Variants in SLC38A8 observed in about 807,000 individuals in gnomAD.
SLC38A8 encodes the protein solute carrier family 38 member 8.
Under a neutral mutation model 46.0 loss-of-function variants are expected in SLC38A8, and 65 were observed. The observed-to-expected ratio is 1.41, with a 90% CI of 1.16 to 1.74. The LOEUF (loss-of-function observed/expected upper bound fraction) is 1.74, where lower values mean the gene tolerates loss of function less well. SLC38A8 is among the 40% of genes most tolerant of loss of function. The pLI is 0.00. For synonymous variants in SLC38A8, 447 were observed against 243.7 expected, an observed-to-expected ratio of 1.83 and a Z score of -7.77; for missense variants, 998 against 567.9, an observed-to-expected ratio of 1.76 and a Z score of -7.70.
Position 84,041,993 on chromosome 16 carries a change from C to A in SLC38A8, c.165G>T (p.Val55=). The stretch of plus-strand genomic sequence containing the variant: ...CCAGCTCCACCAGGAAGGCAGGGAC[C>A]ACTCCGCCCGCTTTGGAGAAGGCCC... ...FPWAFSKAGG[V]VPAFLVELVS... is the part of the protein sequence containing the mutation. The change falls in exon 2 of 11, where the codon GTG becomes GTT. Residue 55 remains valine (V), a synonymous_variant. Coordinates refer to ENST00000299709, the MANE Select transcript of SLC38A8 (RefSeq NM_001080442.3). The A allele has an allele frequency of 6.2e-7, 1 of 1,605,518 alleles. No individual in the cohort carries two copies. Among genetic ancestry groups the A allele is most frequent in the South Asian group, 1.1e-5 (1 of 89,996 alleles).
intron 6 of SLC38A8, among the ~76,000 whole-genome samples, chr16:84,027,285 G>T (rs113621095): frequency 6.6e-6 from 1 of 152,220 alleles, no homozygotes; most frequent in Non-Finnish European, 1.5e-5. Context: ...AGGAGGCGGA[G>T]GCTGCAGTGA....
rs1175645142 is a variant in SLC38A8, at chr16:84,016,676, G to A, written c.1005C>T (p.Pro335=). The A allele has an allele frequency of 8.1e-6, 13 of 1,613,378 alleles. No individual in the cohort carries two copies. Among genetic ancestry groups the A allele is most frequent in the African/African-American group, 2.7e-5 (2 of 74,926 alleles). The part of the protein sequence containing the change: ...WRRSCLGGWG[P]SALADPSGLW... ...GCCCTGAGGGGTCGGCCAGGGCGCT[G>A]GGCCCCCATCCCCCCAAGCAGCTCC... The change falls in exon 9 of 11, where the codon CCC becomes CCT. Residue 335 remains proline (P), a synonymous_variant. Coordinates refer to ENST00000299709, the MANE Select transcript of SLC38A8 (RefSeq NM_001080442.3).
intron 10 of SLC38A8, among the ~76,000 whole-genome samples, chr16:84,011,187 G>A (rs1597245171): frequency 6.6e-6 from 1 of 152,180 alleles, no homozygotes; most frequent in Non-Finnish European, 1.5e-5. Flanking sequence ...TGTGGGCTGT[G>A]GCACTCCTGG....
intron 9 of SLC38A8, among the ~76,000 whole-genome samples, chr16:84,014,704 G>GACCCCAATTT (rs1567690027): frequency 6.6e-6 from 1 of 152,186 alleles, no homozygotes; most frequent in East Asian, 1.9e-4. Context: ...AATCCCAGTA[G>GACCCCAATTT]ACCCCAATTT....
At chr16:84,032,064 G>C in intron 4 of SLC38A8, 96 bp from the exon 5 acceptor site, 1 of 1,067,240 alleles carries the variant, frequency 9.4e-7, no homozygotes, top group Non-Finnish European at 1.4e-6. Flanking sequence ...CTCCGCCCTT[G>C]ACAATGAGGT....
intron 3 of SLC38A8, among the ~76,000 whole-genome samples, chr16:84,034,752 C>A (rs1202979355): frequency 6.6e-6 from 1 of 152,272 alleles, no homozygotes; most frequent in East Asian, 1.9e-4. Context: ...AGGGACTGCA[C>A]ATGCCCCAGG....
chr16:84,016,629 G>C lies in SLC38A8; in HGVS notation c.1052C>G (p.Thr351Ser). The change falls in exon 9 of 11, where the codon ACC (threonine) becomes AGC (serine). Residue 351 changes from threonine (T) to serine (S), a missense_variant. Physicochemically the swap from Thr to Ser is moderately conservative, Grantham distance 58. Coordinates refer to ENST00000299709, the MANE Select transcript of SLC38A8 (RefSeq NM_001080442.3). Reference protein sequence around the residue: ...PSGLWVRMPLTILWVTVTLAM... With the variant: ...PSGLWVRMPLSILWVTVTLAM... ...GAGCGTCACGGTGACCCACAGGATG[G>C]TCAGCGGCATCCGGACCCACAGCCC... The C allele has an allele frequency of 6.2e-7, 1 of 1,613,902 alleles. No individual in the cohort carries two copies. Among genetic ancestry groups the C allele is most frequent in the Middle Eastern group, 1.7e-4 (1 of 6,060 alleles).
intron 2 of SLC38A8, among the ~76,000 whole-genome samples, chr16:84,039,225 G>A (rs1298997413): frequency 6.6e-6 from 1 of 152,170 alleles, no homozygotes; most frequent in African/African-American, 2.4e-5. Context: ...CTGACCTCCA[G>A]AACTGTGAGA....
intron 4 of SLC38A8, 54 bp downstream of exon 4, chr16:84,033,274 A>C: frequency 1.2e-6 from 2 of 1,612,276 alleles, no homozygotes; most frequent in Non-Finnish European, 1.7e-6. Context: ...AGAAACCCTG[A>C]CACAAACACT....
intron 7 of SLC38A8, among the ~76,000 whole-genome samples, chr16:84,022,004 G>A (rs563580282): frequency 1.3e-5 from 2 of 152,294 alleles, no homozygotes; most frequent in South Asian, 2.1e-4. Flanking sequence ...ACTAATCCAT[G>A]AATAGATTAA....
chr16:84,017,924 G>T (rs1215001480), intron 7 of SLC38A8, among the ~76,000 whole-genome samples: 1 of 152,178 alleles, frequency 6.6e-6, no homozygotes, highest in Non-Finnish European at 1.5e-5. Flanking sequence ...GAATCACTGA[G>T]TCACACCCTC....
intron 6 of SLC38A8, among the ~76,000 whole-genome samples, chr16:84,026,743 A>G (rs1358649685): frequency 6.6e-6 from 1 of 152,248 alleles, no homozygotes; most frequent in African/African-American, 2.4e-5. Context: ...TAGGGTGGCT[A>G]CAACATGGAT....
chr16:84,030,435 T>C (rs1164713877), intron 5 of SLC38A8, among the ~76,000 whole-genome samples: 1 of 152,070 alleles, frequency 6.6e-6, no homozygotes, highest in Non-Finnish European at 1.5e-5. Flanking sequence ...TTCAATGCCA[T>C]GTCTGGGCCA....
At chr16:84,032,783 C>G (rs931847493) in intron 4 of SLC38A8, among the ~76,000 whole-genome samples, 1 of 152,142 alleles carries the variant, frequency 6.6e-6, no homozygotes, top group Non-Finnish European at 1.5e-5. Flanking sequence ...ATACTGTTTC[C>G]AAGCTTTATT....
At chr16:84,014,096 T>C (rs28604397) in intron 9 of SLC38A8, among the ~76,000 whole-genome samples, 1,722 of 149,010 alleles carry the variant, frequency 0.012, 45 homozygotes, top group African/African-American at 0.041. Context: ...AGGGAGGAGA[T>C]GCATGGCCAC....
intron 4 of SLC38A8, among the ~76,000 whole-genome samples, chr16:84,032,367 T>C (rs2085251436): frequency 6.6e-6 from 1 of 152,152 alleles, no homozygotes; most frequent in Admixed American, 6.5e-5. Flanking sequence ...TTTTGTACTT[T>C]TAGTAGAGAC....
chr16:84,014,696 T>A (rs927534401), intron 9 of SLC38A8, among the ~76,000 whole-genome samples: 4 of 152,222 alleles, frequency 2.6e-5, no homozygotes, highest in Non-Finnish European at 5.9e-5. Flanking sequence ...TATCTCTTAA[T>A]CCCAGTAGAC....
chr16:84,016,813 C>A, intron 8 of SLC38A8, 86 bp from the exon 9 acceptor site: 1 of 1,376,076 alleles, frequency 7.3e-7, no homozygotes, highest in Non-Finnish European at 9.9e-7. Flanking sequence ...CTCCAGGAGT[C>A]CCCTCACACC....
chr16:84,032,973 G>A (rs184334202), intron 4 of SLC38A8, among the ~76,000 whole-genome samples: 4 of 128,396 alleles, frequency 3.1e-5, no homozygotes, highest in African/African-American at 1.6e-4. Context: ...TGTGCATGGG[G>A]GGGTGTGGGT....
Sources: allele counts gnomAD v4.1 joint callset (sites outside exome capture counted in the v4.1 genomes callset), GRCh38; gene constraint gnomAD v4.1.1; transcripts MANE v1.5; gene names NCBI Gene and HGNC (gene_info 2026-07-23, HGNC 2026-07-21).